Variants in MBNL1 observed in about 807,000 individuals in gnomAD.
The protein encoded by MBNL1 is muscleblind like splicing regulator 1.
MBNL1 carries 8 observed loss-of-function variants against 42.2 expected under a neutral mutation model. That is an observed-to-expected ratio of 0.19 (90% CI 0.11 to 0.34). MBNL1 has a LOEUF of 0.34. MBNL1 is among the 10% of genes least tolerant of loss of function. The pLI, the probability that MBNL1 is intolerant of heterozygous loss-of-function variation, is 1.00. For synonymous variants in MBNL1, 169 were observed against 173.9 expected (o/e 0.97, Z 0.22); for missense variants, 309 against 495.3 (o/e 0.62, Z 3.57).
chr3:152,285,697 C>T (rs1180388503), intron 1 of MBNL1, among the ~76,000 whole-genome samples: 2 of 143,272 alleles, frequency 1.4e-5, no homozygotes, highest in Non-Finnish European at 3.0e-5. Context: ...GGCATGATCT[C>T]ATCTTACTGT....
At chr3:152,432,038 A>G (rs6767073) in intron 3 of MBNL1, among the ~76,000 whole-genome samples, 75,517 of 152,008 alleles carry the variant, frequency 0.5, 19,141 homozygotes, top group Middle Eastern at 0.61. Flanking sequence ...TTCTACTTCA[A>G]ACTTCACATT....
At chr3:152,403,489 C>T (rs1267134909) in intron 2 of MBNL1, among the ~76,000 whole-genome samples, 2 of 151,948 alleles carry the variant, frequency 1.3e-5, no homozygotes, top group Non-Finnish European at 2.9e-5. Context: ...GGATCTTTTT[C>T]TGAAAAACTA....
At chr3:152,433,539 A>G (rs910738482) in intron 4 of MBNL1, among the ~76,000 whole-genome samples, 3 of 151,996 alleles carry the variant, frequency 2.0e-5, no homozygotes, top group Admixed American at 1.3e-4. Context: ...TCACGAGGAC[A>G]GGAGATCGAG....
At chr3:152,344,182 A>T (rs186139074) in intron 2 of MBNL1, among the ~76,000 whole-genome samples, 2 of 152,290 alleles carry the variant, frequency 1.3e-5, no homozygotes, top group East Asian at 3.9e-4. Flanking sequence ...AATCTAAGTT[A>T]AAAAACATAA....
chr3:152,411,571 G>A (rs558228415), intron 2 of MBNL1, among the ~76,000 whole-genome samples: 82 of 152,100 alleles, frequency 5.4e-4, no homozygotes, highest in African/African-American at 1.8e-3. Context: ...TTTATATTTC[G>A]CATTAACCTA....
At chr3:152,449,874 G>A (rs1279325124) in intron 6 of MBNL1, among the ~76,000 whole-genome samples, 1 of 152,060 alleles carries the variant, frequency 6.6e-6, no homozygotes, top group Non-Finnish European at 1.5e-5. Flanking sequence ...GGAGGCCGAG[G>A]CAGGTGGCTC....
intron 9 of MBNL1, among the ~76,000 whole-genome samples, chr3:152,460,891 TAAAGGTA>T (rs1744593909): frequency 2.0e-5 from 3 of 151,988 alleles, no homozygotes; most frequent in Admixed American, 2.0e-4. Context: ...GGCAAGGAGA[TAAAGGTA>T]AATAGATAAT....
intron 2 of MBNL1, among the ~76,000 whole-genome samples, chr3:152,395,470 A>G (rs2097890934): frequency 6.6e-6 from 1 of 152,196 alleles, no homozygotes; most frequent in Non-Finnish European, 1.5e-5. Context: ...TTTGTGTGCT[A>G]GCTTATCTTG....
At chr3:152,319,861 T>G (rs1241721718) in intron 2 of MBNL1, among the ~76,000 whole-genome samples, 1 of 152,016 alleles carries the variant, frequency 6.6e-6, no homozygotes, top group Non-Finnish European at 1.5e-5. Flanking sequence ...ACAGAAGAGT[T>G]TAATTCTTTC....
At chr3:152,291,324 C>T (rs1278787787) in intron 1 of MBNL1, among the ~76,000 whole-genome samples, 1 of 152,184 alleles carries the variant, frequency 6.6e-6, no homozygotes, top group Non-Finnish European at 1.5e-5. Flanking sequence ...TGCAAAGCCA[C>T]ATAAATCTGT....
intron 2 of MBNL1, among the ~76,000 whole-genome samples, chr3:152,408,468 A>G (rs1180108080): frequency 1.3e-5 from 2 of 152,140 alleles, no homozygotes; most frequent in Non-Finnish European, 1.5e-5. Context: ...CATATATCCT[A>G]AGTTTTGAAT....
chr3:152,392,498 CT>C (rs1228733416), intron 2 of MBNL1, among the ~76,000 whole-genome samples: 1 of 152,178 alleles, frequency 6.6e-6, no homozygotes, highest in Admixed American at 6.5e-5. Context: ...CTACTTCTTC[CT>C]CTTTGAATAA....
At chr3:152,398,851 C>G (rs1464403487) in intron 2 of MBNL1, among the ~76,000 whole-genome samples, 2 of 152,154 alleles carry the variant, frequency 1.3e-5, no homozygotes, top group Non-Finnish European at 2.9e-5. Flanking sequence ...TCCTGCTGCT[C>G]TTATTACAGA....
At chr3:152,340,710 A>T in intron 2 of MBNL1, 1 of 1,614,056 alleles carries the variant, frequency 6.2e-7, no homozygotes, top group South Asian at 1.1e-5. Flanking sequence ...AAACGGGAGA[A>T]CTCAAATGTT....
intron 2 of MBNL1, among the ~76,000 whole-genome samples, chr3:152,386,487 A>G (rs940138859): frequency 4.7e-4 from 71 of 152,236 alleles, no homozygotes; most frequent in Middle Eastern, 3.4e-3. Context: ...TTTCTTGGGT[A>G]CATTGAATTG....
intron 2 of MBNL1, among the ~76,000 whole-genome samples, chr3:152,381,776 T>C (rs951668732): frequency 2.0e-5 from 3 of 152,088 alleles, no homozygotes; most frequent in Admixed American, 2.0e-4. Context: ...TTTAGCTTTG[T>C]AACTTAGAGT....
intron 2 of MBNL1, among the ~76,000 whole-genome samples, chr3:152,401,320 A>G (rs2098208900): frequency 6.6e-6 from 1 of 152,212 alleles, no homozygotes; most frequent in African/African-American, 2.4e-5. Context: ...TGGCAAGAAA[A>G]GAAGGGAGGG....
chr3:152,291,561 T>A (rs1342837800), intron 1 of MBNL1, among the ~76,000 whole-genome samples: 1 of 152,140 alleles, frequency 6.6e-6, no homozygotes, highest in Non-Finnish European at 1.5e-5. Context: ...CTAAGAAAAA[T>A]CTTCAGTTAT....
At chr3:152,287,236 T>C (rs901426222) in intron 1 of MBNL1, among the ~76,000 whole-genome samples, 2 of 151,772 alleles carry the variant, frequency 1.3e-5, no homozygotes, top group African/African-American at 4.8e-5. Context: ...AAAATGGTTG[T>C]ATATGGTGTA....
Sources: allele counts gnomAD v4.1 joint callset (sites outside exome capture counted in the v4.1 genomes callset), GRCh38; gene constraint gnomAD v4.1.1; transcripts MANE v1.5; gene names NCBI Gene and HGNC (gene_info 2026-07-23, HGNC 2026-07-21).